Variants in CDK15 observed in about 807,000 individuals in gnomAD.
The protein encoded by CDK15 is cyclin-dependent kinase 15.
CDK15 carries 62 observed loss-of-function variants against 60.3 expected under a neutral mutation model. The observed-to-expected ratio is 1.03, with a 90% confidence interval of 0.84 to 1.27. The LOEUF (loss-of-function observed/expected upper bound fraction) is 1.27, where lower values mean the gene tolerates loss of function less well. CDK15 is among the 50% of genes most tolerant of loss of function. CDK15 has a pLI of 0.00. For missense variants in CDK15, 541 were observed against 527.8 expected (o/e 1.03, Z -0.25); for synonymous variants, 194 against 195.7 (o/e 0.99, Z 0.07).
chr2:201,844,587 TAA>T (rs1441036426), intron 8 of CDK15, among the ~76,000 whole-genome samples: 9 of 152,202 alleles, frequency 5.9e-5, no homozygotes, highest in Admixed American at 3.3e-4. Flanking sequence ...ACCAAATTCA[TAA>T]GTTACATTTA....
chr2:201,894,150 A>C lies in CDK15; in HGVS notation c.*883A>C, dbSNP rs907459722. 6.6e-6 allele frequency: 1 copy of C among 151,796 alleles called. No homozygotes were observed. The highest frequency in any genetic ancestry group is 2.4e-5 in the African/African-American group (1 of 41,130). The allele number at this position is 151,796 out of a possible 1,614,324, so 9.4% of individuals were successfully genotyped here. On this transcript the variant is annotated 3_prime_UTR_variant, in exon 14 of 14. Transcript: ENST00000652192. ...AAATGAGAGATCTGTCTTAGCTAAC[A>C]CGTGTGCCGTTTTATACAATGACTC... is the stretch of plus-strand genomic sequence containing the variant.
At chr2:201,812,084 G>T (rs558625551) in intron 3 of CDK15, among the ~76,000 whole-genome samples, 1 of 149,834 alleles carries the variant, frequency 6.7e-6, no homozygotes, top group Non-Finnish European at 1.5e-5. Flanking sequence ...TGAGGCAGGA[G>T]AATTGCTTGA....
At chr2:201,860,758 C>T (rs1469551277) in intron 10 of CDK15, 6 of 1,352,134 alleles carry the variant, frequency 4.4e-6, no homozygotes, top group African/African-American at 1.5e-5. Flanking sequence ...CAAGAAACAG[C>T]ATGGATGGCA....
At chr2:201,816,831 A>G (rs1442728116) in intron 4 of CDK15, among the ~76,000 whole-genome samples, 1 of 152,104 alleles carries the variant, frequency 6.6e-6, no homozygotes, top group Non-Finnish European at 1.5e-5. Flanking sequence ...ATGTCAGTTT[A>G]CCATTGCCAT....
intron 12 of CDK15, among the ~76,000 whole-genome samples, chr2:201,887,813 A>T (rs1373880501): frequency 1.3e-5 from 2 of 152,192 alleles, no homozygotes; most frequent in Admixed American, 6.5e-5. Context: ...AGCAACTTCA[A>T]TTTAAAGTGC....
chr2:201,833,959 C>T lies in CDK15; in HGVS notation c.718C>T (p.Leu240=). 6.2e-7 allele frequency: 1 copy of T among 1,613,704 alleles called. No individual in the cohort carries two copies. Among genetic ancestry groups the T allele is most frequent in the Non-Finnish European group, 8.5e-7 (1 of 1,179,840 alleles). The change falls in exon 7 of 14, where the codon CTG becomes TTG. Residue 240 remains leucine (L), a synonymous_variant. Transcript: ENST00000652192. ...CATCAGTCACCTGGGAGAGCTCAAA[C>T]TGGCTGATTTTGGTAAGTCGCCCCT... The part of the protein sequence containing the change: ...LLISHLGELK[L]ADFGLARAKS...
intron 13 of CDK15, among the ~76,000 whole-genome samples, 191 bp downstream of exon 13, chr2:201,891,118 T>G (rs1371598943): frequency 2.6e-5 from 4 of 152,238 alleles, no homozygotes; most frequent in Non-Finnish European, 4.4e-5. Flanking sequence ...AATAATTACA[T>G]GCATTGCCTT....
chr2:201,809,600 C>A (rs1265120556), intron 3 of CDK15, among the ~76,000 whole-genome samples: 1 of 151,558 alleles, frequency 6.6e-6, no homozygotes, highest in South Asian at 2.1e-4. Flanking sequence ...TAGAATATAT[C>A]AAAACTCTAC....
intron 12 of CDK15, chr2:201,888,468 A>C (rs1228564322): frequency 6.5e-7 from 1 of 1,535,276 alleles, no homozygotes; most frequent in East Asian, 2.4e-5. Flanking sequence ...AGAGTGAAGC[A>C]GCTGCGATAA....
chr2:201,824,798 A>G (rs7605429), intron 6 of CDK15: 398,614 of 637,274 alleles, frequency 0.63, 134,358 homozygotes, highest in Admixed American at 0.75. Context: ...AATGTGAAAC[A>G]CCCTCAGCCA....
rs1186547727 is a variant in CDK15, at chr2:201,873,542, G to A, written c.1058+1216G>A. On this transcript the variant is annotated intron_variant, in intron 11 of 13. Transcript: ENST00000652192. ...ACTCCATGCTGCTGCTGCTGCAGCT[G>A]CCCCTGTCCCATGGCAGAAGATAGT... 3.3e-5 allele frequency among the ~76,000 whole-genome samples: 5 copies of A among 152,146 alleles called. No homozygotes were observed. In the East Asian group the frequency reaches 9.6e-4, roughly 29 times the overall value.
In CDK15 at chr2:201,890,873, C is replaced by A. The variant is rs554143325; in HGVS notation, c.1287C>A (p.Ala429=). 3 of 1,613,234 alleles carry A rather than the reference C, an allele frequency of 1.9e-6. No homozygotes were observed. The highest frequency in any genetic ancestry group is 2.5e-6 in the Non-Finnish European group (3 of 1,179,548). ...CCTACCAGAAAGGTCACCACCCAGC[C>A]CAGTTTAGCAAATGCTGGTGAAAAG... ...LASYQKGHHP[A]QFSKCW The change falls in exon 13 of 14, where the codon GCC becomes GCA. Residue 429 remains alanine (A), a synonymous_variant. Coordinates refer to ENST00000652192, the MANE Select transcript of CDK15 (RefSeq NM_001366386.2).
At chr2:201,851,008 T>G (rs1697882927) in intron 9 of CDK15, among the ~76,000 whole-genome samples, 1 of 151,968 alleles carries the variant, frequency 6.6e-6, no homozygotes, top group Non-Finnish European at 1.5e-5. Flanking sequence ...AGAACAGAAA[T>G]TGGCCGGGCG....
At chr2:201,843,242 A>G (rs1300486184) in intron 8 of CDK15, among the ~76,000 whole-genome samples, 1 of 152,214 alleles carries the variant, frequency 6.6e-6, no homozygotes, top group Non-Finnish European at 1.5e-5. Context: ...GCTGGAGTGC[A>G]GTGGTGCGAT....
rs1366004305 is a variant in CDK15 at position 201,835,958 on chromosome 2, GTATATATT to G, written c.851+213_851+220del. Among the ~76,000 whole-genome samples, 30 of 107,098 alleles carry G rather than the reference GTATATATT, an allele frequency of 2.8e-4. 1 individual carries two copies. The East Asian group carries it at 3.0e-3, about 11-fold the overall frequency. The allele number at this position is 107,098 out of a possible 152,430, so 70.3% of individuals were successfully genotyped here. ...TATATTTATATATTTATATATATTT[GTATATATT>G]TATATATTTATATATTTTTATATAT... On this transcript the variant is annotated intron_variant, in intron 8 of 13. Coordinates refer to ENST00000652192, the MANE Select transcript of CDK15 (RefSeq NM_001366386.2).
intron 12 of CDK15, among the ~76,000 whole-genome samples, chr2:201,885,253 A>G (rs1699416035): frequency 6.6e-6 from 1 of 152,164 alleles, no homozygotes; most frequent in Non-Finnish European, 1.5e-5. Flanking sequence ...GCTTCCACGT[A>G]ATTTCAAACC....
At chr2:201,821,542 G>A (rs1270782512) in intron 4 of CDK15, among the ~76,000 whole-genome samples, 1 of 152,112 alleles carries the variant, frequency 6.6e-6, no homozygotes, top group African/African-American at 2.4e-5. Context: ...GGAGGGAGTT[G>A]GTGCAGGAGA....
chr2:201,890,849 C>T lies in CDK15; in HGVS notation c.1263C>T (p.Ser421=), dbSNP rs1559154370. The T allele has an allele frequency of 2.5e-6, 4 of 1,613,740 alleles. No homozygotes were observed. Among genetic ancestry groups the T allele is most frequent in the Admixed American group, 1.7e-5 (1 of 60,014 alleles). Residue 421 remains serine (S), a synonymous_variant, in exon 13 of 14, where the codon TCC becomes TCT. Transcript: ENST00000652192. ...CAGAAATGTGTGACCTTTTGGCCTC[C>T]TACCAGAAAGGTCACCACCCAGCCC... ...LKPEMCDLLA[S]YQKGHHPAQF...
At chr2:201,856,949 C>T (rs1698167135) in intron 10 of CDK15, among the ~76,000 whole-genome samples, 2 of 111,334 alleles carry the variant, frequency 1.8e-5, no homozygotes, top group South Asian at 2.4e-4. Flanking sequence ...TCCGGCCGGG[C>T]GCGGTGGCTC....
Sources: allele counts gnomAD v4.1 joint callset (sites outside exome capture counted in the v4.1 genomes callset), GRCh38; gene constraint gnomAD v4.1.1; transcripts MANE v1.5; gene names NCBI Gene and HGNC (gene_info 2026-07-23, HGNC 2026-07-21).